The following NALF1 variants were observed in gnomAD, a reference collection of about 807,000 sequenced individuals.
The protein encoded by NALF1 is family with sequence similarity 155 member A.
Under a neutral mutation model 48.4 loss-of-function variants are expected in NALF1, and 3 were observed. The ratio of observed to expected loss-of-function variants is 0.06; its 90% confidence interval spans 0.03 to 0.16. The LOEUF is 0.16. NALF1 is among the 10% of genes least tolerant of loss of function. The pLI, the probability that NALF1 is intolerant of heterozygous loss-of-function variation, is 1.00. For synonymous variants in NALF1, 262 were observed against 245.7 expected, an observed-to-expected ratio of 1.07 and a Z score of -0.62; for missense variants, 526 against 571.5, an observed-to-expected ratio of 0.92 and a Z score of 0.81.
chr13:107,680,867 T>C (rs1038763051), intron 1 of NALF1, among the ~76,000 whole-genome samples: 1 of 110,896 alleles, frequency 9.0e-6, no homozygotes, highest in Non-Finnish European at 2.2e-5. Context: ...AGTGTGCAAA[T>C]GTAAGGGTGT....
intron 2 of NALF1, among the ~76,000 whole-genome samples, chr13:107,178,371 A>C (rs1878984267): frequency 6.6e-6 from 1 of 152,236 alleles, no homozygotes; most frequent in Non-Finnish European, 1.5e-5. Flanking sequence ...ACATCTAATA[A>C]TTCAATTTAA....
chr13:107,548,324 A>G (rs1361549044), intron 1 of NALF1, among the ~76,000 whole-genome samples: 1 of 152,136 alleles, frequency 6.6e-6, no homozygotes, highest in Non-Finnish European at 1.5e-5. Context: ...ATGGCTGCGC[A>G]GTATTCCATG....
At chr13:107,838,071 G>A (rs1812213) in intron 1 of NALF1, among the ~76,000 whole-genome samples, 4 of 152,130 alleles carry the variant, frequency 2.6e-5, no homozygotes, top group East Asian at 1.9e-4. Flanking sequence ...CTGGAAGCAC[G>A]GTAAACTCGG....
intron 1 of NALF1, among the ~76,000 whole-genome samples, chr13:107,435,044 C>T (rs1285492485): frequency 1.3e-5 from 2 of 151,818 alleles, no homozygotes; most frequent in South Asian, 2.1e-4. Context: ...ATGCTTGTTG[C>T]CATTAAGTGT....
intron 1 of NALF1, among the ~76,000 whole-genome samples, chr13:107,561,745 C>T (rs772237040): frequency 1.4e-4 from 21 of 152,336 alleles, no homozygotes; most frequent in Middle Eastern, 3.4e-3. Flanking sequence ...ATGATTATTT[C>T]ATCTTCCCCA....
intron 1 of NALF1, among the ~76,000 whole-genome samples, chr13:107,250,533 A>C (rs1404074126): frequency 6.6e-6 from 1 of 152,172 alleles, no homozygotes; most frequent in Non-Finnish European, 1.5e-5. Context: ...GATGATAGAG[A>C]TATGTGATAG....
chr13:107,726,927 G>C (rs1044793867), intron 1 of NALF1, among the ~76,000 whole-genome samples: 40 of 150,062 alleles, frequency 2.7e-4, no homozygotes, highest in South Asian at 6.4e-4. Flanking sequence ...GTGTGTGTGT[G>C]TGTGTGTGTG....
At chr13:107,586,405 C>T (rs1036938858) in intron 1 of NALF1, among the ~76,000 whole-genome samples, 10 of 151,992 alleles carry the variant, frequency 6.6e-5, no homozygotes, top group Non-Finnish European at 1.0e-4. Flanking sequence ...TTGCATGTGA[C>T]GGCCCTGTGA....
At chr13:107,639,538 T>C (rs1211720986) in intron 1 of NALF1, among the ~76,000 whole-genome samples, 1 of 152,182 alleles carries the variant, frequency 6.6e-6, no homozygotes, top group Non-Finnish European at 1.5e-5. Context: ...AACTACCCTG[T>C]CTGTACTAGC....
At chr13:107,805,202 T>G (rs1878740026) in intron 1 of NALF1, among the ~76,000 whole-genome samples, 2 of 152,226 alleles carry the variant, frequency 1.3e-5, no homozygotes, top group South Asian at 4.1e-4. Context: ...AAAATGACAT[T>G]AAGTACATTT....
intron 1 of NALF1, among the ~76,000 whole-genome samples, chr13:107,308,419 G>A (rs1881982487): frequency 1.3e-5 from 2 of 151,980 alleles, no homozygotes; most frequent in African/African-American, 2.4e-5. Context: ...AGCCAGGATG[G>A]TCTCGATCTC....
chr13:107,370,891 A>C (rs918834474), intron 1 of NALF1, among the ~76,000 whole-genome samples: 2 of 152,194 alleles, frequency 1.3e-5, no homozygotes, highest in Non-Finnish European at 2.9e-5. Context: ...AGCCCCTTAT[A>C]AAATGATCAG....
chr13:107,361,658 G>C (rs555625714), intron 1 of NALF1, among the ~76,000 whole-genome samples: 119 of 152,248 alleles, frequency 7.8e-4, no homozygotes, highest in African/African-American at 2.8e-3. Flanking sequence ...TGCAAGATAA[G>C]GTGAAAAGTG....
chr13:107,206,271 T>C (rs540415702), intron 2 of NALF1, among the ~76,000 whole-genome samples: 1 of 152,188 alleles, frequency 6.6e-6, no homozygotes, highest in African/African-American at 2.4e-5. Flanking sequence ...TAAGACAGAA[T>C]TGGAATTAAA....
At chr13:107,289,701 T>G (rs1031422589) in intron 1 of NALF1, among the ~76,000 whole-genome samples, 1 of 152,186 alleles carries the variant, frequency 6.6e-6, no homozygotes, top group Non-Finnish European at 1.5e-5. Context: ...AGTCTCCATC[T>G]GCAGTCATCC....
chr13:107,747,911 C>T (rs954657915), intron 1 of NALF1, among the ~76,000 whole-genome samples: 2 of 152,116 alleles, frequency 1.3e-5, no homozygotes, highest in African/African-American at 4.8e-5. Context: ...CTCCTGTATG[C>T]AATCAAGAGT....
chr13:107,365,475 C>T (rs1883137365), intron 1 of NALF1, among the ~76,000 whole-genome samples: 1 of 152,130 alleles, frequency 6.6e-6, no homozygotes, highest in African/African-American at 2.4e-5. Context: ...TTAGGGCTTT[C>T]TCTCTAAACT....
In NALF1 at chr13:107,338,948, C is replaced by T. The variant is rs532729009; in HGVS notation, c.916-128193G>A. Among the ~76,000 whole-genome samples the T allele has an allele frequency of 6.3e-4, 96 of 151,760 alleles. 3 individuals carry two copies. The South Asian group carries it at 0.019, about 30-fold the overall frequency. On this transcript the variant is annotated intron_variant, in intron 1 of 2. Coordinates refer to ENST00000375915, the MANE Select transcript of NALF1 (RefSeq NM_001080396.3). ...GAGGTCGAGTCCATCCTGGCTAACACGGTGAAACCCCGTCTCTACTAAAAA... is the reference window on the plus strand; with the variant it reads ...GAGGTCGAGTCCATCCTGGCTAACATGGTGAAACCCCGTCTCTACTAAAAA...
chr13:107,662,313 G>A (rs561786906), intron 1 of NALF1, among the ~76,000 whole-genome samples: 2 of 152,298 alleles, frequency 1.3e-5, no homozygotes, highest in South Asian at 2.1e-4. Flanking sequence ...ATTCAACTGC[G>A]TGGTGGTAGA....
Sources: gnomAD v4.1 joint callset for allele counts (sites outside exome capture counted in the v4.1 genomes callset) on GRCh38, gnomAD v4.1.1 for gene constraint, MANE v1.5 for transcripts, NCBI Gene and HGNC (gene_info 2026-07-23, HGNC 2026-07-21) for gene names.